The following ATP8B4 variants were observed in gnomAD, a reference collection of about 807,000 sequenced individuals.
ATP8B4 encodes the protein ATPase phospholipid transporting 8B4 (putative).
A neutral mutation model predicts 145.6 loss-of-function variants in ATP8B4; 133 were observed. That is an observed-to-expected ratio of 0.91 (90% CI 0.79 to 1.05). ATP8B4 has a LOEUF of 1.05. Ranked by LOEUF, ATP8B4 falls within the 50% of genes least tolerant of loss-of-function variation. The probability of loss-of-function intolerance (pLI) is 0.00; values close to 1 mark genes in which losing one functional copy is unlikely to be tolerated. For synonymous variants in ATP8B4, 507 were observed against 492.9 expected (o/e 1.03, Z -0.38); for missense variants, 1,458 against 1,425.2 (o/e 1.02, Z -0.37).
At chr15:50,180,404 C>T (rs751201024) in intron 1 of ATP8B4, among the ~76,000 whole-genome samples, 6 of 152,166 alleles carry the variant, frequency 3.9e-5, no homozygotes, top group Non-Finnish European at 8.8e-5. Flanking sequence ...CCGGACTCTC[C>T]AGTTACTACT....
chr15:50,146,580 T>C (rs1045055117), intron 1 of ATP8B4, among the ~76,000 whole-genome samples: 1 of 152,212 alleles, frequency 6.6e-6, no homozygotes, highest in Non-Finnish European at 1.5e-5. Flanking sequence ...ATTCTGAAAC[T>C]ACTTTGCGTG....
intron 12 of ATP8B4, among the ~76,000 whole-genome samples, chr15:49,973,160 G>C (rs2045332680): frequency 2.0e-5 from 3 of 152,266 alleles, no homozygotes; most frequent in South Asian, 2.1e-4. Flanking sequence ...CAGTTTTGTG[G>C]AGGACGCTTT....
chr15:49,925,827 C>A (rs1332725150), intron 16 of ATP8B4, among the ~76,000 whole-genome samples: 3 of 152,064 alleles, frequency 2.0e-5, no homozygotes, highest in Admixed American at 6.6e-5. Flanking sequence ...CTCTTTTCTT[C>A]CAAGCCTTCT....
intron 14 of ATP8B4, among the ~76,000 whole-genome samples, chr15:49,950,471 T>C (rs373579907): frequency 1.3e-5 from 2 of 151,956 alleles, no homozygotes; most frequent in African/African-American, 2.4e-5. Flanking sequence ...TATTCTCTGA[T>C]GGTAGTTTGT....
intron 14 of ATP8B4, among the ~76,000 whole-genome samples, chr15:49,947,499 T>C (rs956905898): frequency 2.7e-5 from 4 of 150,478 alleles, no homozygotes; most frequent in Middle Eastern, 3.5e-3. Context: ...TAAATGAATA[T>C]GTATCCAATG....
chr15:50,083,526 AAC>A (rs2153644828), intron 2 of ATP8B4, among the ~76,000 whole-genome samples: 1 of 152,288 alleles, frequency 6.6e-6, no homozygotes, highest in African/African-American at 2.4e-5. Context: ...TCCTCTGTGA[AAC>A]ACAGGCTGGC....
chr15:50,050,480 A>T (rs762005257), intron 3 of ATP8B4, among the ~76,000 whole-genome samples: 3 of 152,102 alleles, frequency 2.0e-5, no homozygotes, highest in Non-Finnish European at 4.4e-5. Context: ...CATATTTCCT[A>T]TTACACCAGC....
chr15:49,862,060 C>A (rs1428661638), intron 27 of ATP8B4, among the ~76,000 whole-genome samples, 185 bp downstream of exon 27: 2 of 152,204 alleles, frequency 1.3e-5, no homozygotes, highest in African/African-American at 2.4e-5. Context: ...CTCTTCATGG[C>A]ACTAAGGACT....
chr15:49,897,566 T>C, intron 22 of ATP8B4, 51 bp from the exon 23 acceptor site: 1 of 1,383,374 alleles, frequency 7.2e-7, no homozygotes, highest in Non-Finnish European at 9.5e-7. Flanking sequence ...CCACGATCTC[T>C]TTTGGAAACT....
intron 15 of ATP8B4, among the ~76,000 whole-genome samples, chr15:49,933,388 A>T (rs2041440483): frequency 6.6e-6 from 1 of 152,064 alleles, no homozygotes; most frequent in South Asian, 2.1e-4. Context: ...TAGGGCAAGA[A>T]GCCAGTTCAC....
chr15:49,987,344 T>C (rs1163531150), intron 10 of ATP8B4, 47 bp downstream of exon 10: 1 of 1,588,900 alleles, frequency 6.3e-7, no homozygotes, highest in South Asian at 1.1e-5. Context: ...CTGGTGTACG[T>C]TGCAGGAAAG....
chr15:49,877,440 T>C lies in ATP8B4; in HGVS notation c.2782-917A>G, dbSNP rs894492479. Among the ~76,000 whole-genome samples, 155 of 152,156 alleles carry C rather than the reference T, an allele frequency of 1.0e-3. 1 individual carries two copies. The highest frequency in any genetic ancestry group is 2.4e-4 in the Non-Finnish European group (16 of 68,020). On this transcript the variant is annotated intron_variant, in intron 24 of 27. Coordinates refer to ENST00000284509, the MANE Select transcript of ATP8B4 (RefSeq NM_024837.4). ...TGGAAGCAACACAGGTGGTGAACTA[T>C]TGTGGGAGAGGAACATTCCCCTTCC...
chr15:50,073,025 C>T (rs1021982040), intron 3 of ATP8B4, among the ~76,000 whole-genome samples: 764 of 71,656 alleles, frequency 0.011, 4 homozygotes, highest in Non-Finnish European at 0.013. Flanking sequence ...TATATACACA[C>T]ACACACACAC....
At chr15:49,909,579 G>T (rs2039010686) in intron 20 of ATP8B4, among the ~76,000 whole-genome samples, 1 of 151,872 alleles carries the variant, frequency 6.6e-6, no homozygotes, top group African/African-American at 2.4e-5. Flanking sequence ...AGACAGGCAG[G>T]CTCAGCCTAC....
intron 2 of ATP8B4, among the ~76,000 whole-genome samples, chr15:50,104,997 G>T (rs1013933857): frequency 1.3e-5 from 2 of 151,984 alleles, no homozygotes; most frequent in Admixed American, 1.3e-4. Flanking sequence ...AAGTAACTCA[G>T]GAATGGAAAA....
intron 2 of ATP8B4, among the ~76,000 whole-genome samples, chr15:50,097,404 CT>C (rs2056059317): frequency 6.6e-6 from 1 of 152,088 alleles, no homozygotes; most frequent in Admixed American, 6.6e-5. Flanking sequence ...AAAAACAATA[CT>C]TTCCAAAATG....
At chr15:49,983,241 C>G (rs1242676495) in intron 10 of ATP8B4, among the ~76,000 whole-genome samples, 1 of 152,150 alleles carries the variant, frequency 6.6e-6, no homozygotes, top group Non-Finnish European at 1.5e-5. Context: ...TATTTTGTTG[C>G]CTGTATATTT....
intron 1 of ATP8B4, among the ~76,000 whole-genome samples, chr15:50,172,945 G>A (rs868403518): frequency 2.1e-3 from 322 of 150,982 alleles, no homozygotes; most frequent in African/African-American, 5.9e-3. Context: ...GTCTCCGCCC[G>A]GCAGCCGCCC....
intron 26 of ATP8B4, among the ~76,000 whole-genome samples, chr15:49,863,543 C>A (rs1344543073): frequency 6.6e-6 from 1 of 152,062 alleles, no homozygotes; most frequent in Admixed American, 6.6e-5. Flanking sequence ...GTCCCCTATC[C>A]CAGTATTCAA....
Sources: allele counts gnomAD v4.1 joint callset (sites outside exome capture counted in the v4.1 genomes callset), GRCh38; gene constraint gnomAD v4.1.1; transcripts MANE v1.5; gene names NCBI Gene and HGNC (gene_info 2026-07-23, HGNC 2026-07-21).